The following ADAMTS19 variants were observed in gnomAD, a reference collection of about 807,000 sequenced individuals.
ADAMTS19 encodes A disintegrin and metalloproteinase with thrombospondin motifs 19.
ADAMTS19 carries 93 observed loss-of-function variants against 153.3 expected under a neutral mutation model. The ratio of observed to expected loss-of-function variants is 0.61; its 90% CI spans 0.51 to 0.72. The LOEUF is 0.72. Ranked by LOEUF, ADAMTS19 falls within the 30% of genes least tolerant of loss-of-function variation. The pLI is 0.00. For missense variants in ADAMTS19, 1,482 were observed against 1,552.1 expected (o/e 0.95, Z 0.76); for synonymous variants, 600 against 556.6 (o/e 1.08, Z -1.10).
At chr5:129,608,116 G>GTATATATATATATATAATATA (rs1554098176) in intron 8 of ADAMTS19, among the ~76,000 whole-genome samples, 3 of 47,956 alleles carry the variant, frequency 6.3e-5, no homozygotes, top group South Asian at 9.7e-4. Flanking sequence ...GTGTGTGTGT[G>GTATATATATATATATAATATA]TATATATATA....
intron 7 of ADAMTS19, among the ~76,000 whole-genome samples, chr5:129,562,268 T>A (rs775204341): frequency 1.8e-4 from 28 of 152,246 alleles, no homozygotes; most frequent in Non-Finnish European, 2.4e-4. Context: ...CAAAAATATT[T>A]TTTAAATGTA....
At chr5:129,536,546 G>A (rs1412365919) in intron 6 of ADAMTS19, among the ~76,000 whole-genome samples, 1 of 152,202 alleles carries the variant, frequency 6.6e-6, no homozygotes, top group East Asian at 1.9e-4. Context: ...ATTTGAACCA[G>A]CCTTCCCATT....
At position 129,473,997 on chromosome 5, in the gene ADAMTS19, A is replaced by C. The variant is rs530974091; in HGVS notation, c.747+12240A>C. On this transcript the variant is annotated intron_variant, in intron 2 of 22. Transcript: ENST00000274487. ...TTTAGTTCATTTACAGAATTGTGCA[A>C]CCATCACAACTTAGTTTTAGAACAG... Among the ~76,000 whole-genome samples, 636 of 152,276 alleles carry C rather than the reference A, an allele frequency of 4.2e-3. 14 individuals are homozygous for C. The highest frequency in any genetic ancestry group is 0.014 in the Middle Eastern group (4 of 294).
intron 16 of ADAMTS19, among the ~76,000 whole-genome samples, chr5:129,677,389 A>G (rs1390035568): frequency 6.6e-6 from 1 of 151,746 alleles, no homozygotes; most frequent in Non-Finnish European, 1.5e-5. Context: ...GGCAGGGGGA[A>G]TTGCTTGAAT....
chr5:129,536,409 A>C (rs1043824913), intron 6 of ADAMTS19, among the ~76,000 whole-genome samples: 9 of 152,212 alleles, frequency 5.9e-5, no homozygotes, highest in Admixed American at 1.3e-4. Context: ...GAGTTAGGAA[A>C]CAACAGGTGC....
chr5:129,495,425 A>G, intron 2 of ADAMTS19, among the ~76,000 whole-genome samples: 1 of 152,078 alleles, frequency 6.6e-6, no homozygotes, highest in East Asian at 1.9e-4. Context: ...CTCATATCAC[A>G]AATGGTTATA....
chr5:129,483,637 A>AG (rs1163239508), intron 2 of ADAMTS19, among the ~76,000 whole-genome samples: 2 of 152,214 alleles, frequency 1.3e-5, no homozygotes, highest in Non-Finnish European at 2.9e-5. Flanking sequence ...TGTCAGATAT[A>AG]CTACTACATG....
chr5:129,475,769 G>T (rs1187775930), intron 2 of ADAMTS19, among the ~76,000 whole-genome samples: 3 of 152,204 alleles, frequency 2.0e-5, no homozygotes, highest in Non-Finnish European at 4.4e-5. Flanking sequence ...GGAGGGAGAG[G>T]TTGCAGTAAG....
chr5:129,602,178 T>C (rs1967972), intron 8 of ADAMTS19, among the ~76,000 whole-genome samples: 87,936 of 151,538 alleles, frequency 0.58, 26,914 homozygotes, highest in Non-Finnish European at 0.68. Context: ...CCGCAACCTC[T>C]GCCTCCTGGG....
At chr5:129,483,940 T>C (rs1436525397) in intron 2 of ADAMTS19, among the ~76,000 whole-genome samples, 1 of 152,130 alleles carries the variant, frequency 6.6e-6, no homozygotes, top group Non-Finnish European at 1.5e-5. Context: ...TATTAAAAGT[T>C]TTATATATTC....
chr5:129,465,527 A>G (rs1749826542), intron 2 of ADAMTS19, among the ~76,000 whole-genome samples: 1 of 152,158 alleles, frequency 6.6e-6, no homozygotes, highest in Non-Finnish European at 1.5e-5. Flanking sequence ...AGCTTTTGAT[A>G]CAGAATCTGG....
intron 16 of ADAMTS19, among the ~76,000 whole-genome samples, chr5:129,670,553 G>C (rs999664942): frequency 2.0e-5 from 3 of 152,096 alleles, no homozygotes; most frequent in African/African-American, 7.2e-5. Context: ...GGCATCTGGG[G>C]ATAGCATCTG....
At chr5:129,606,716 C>T (rs777783625) in intron 8 of ADAMTS19, among the ~76,000 whole-genome samples, 6 of 152,156 alleles carry the variant, frequency 3.9e-5, no homozygotes, top group African/African-American at 9.7e-5. Context: ...ATGGACTTCT[C>T]TATTTTATGA....
Position 129,694,765 on chromosome 5 carries a change from A to T in ADAMTS19, c.2864A>T (p.Asn955Ile). The change falls in exon 19 of 23, where the codon AAT (asparagine) becomes ATT (isoleucine). Residue 955 changes from asparagine (N) to isoleucine (I), a missense_variant. This residue lies in a region of ADAMTS19 where 616 missense variants were observed against 724.4 expected (regional missense o/e 0.85). Transcript: ENST00000274487. ...TCCTGCACAAAAATCATGAGCAAAA[A>T]TATCAGCATTGTGGACAATGAGAAA... Reference protein sequence around the residue: ...TVSCTKIMSKNISIVDNEKCK... With the variant: ...TVSCTKIMSKIISIVDNEKCK... The T allele has an allele frequency of 4.4e-6, 7 of 1,607,344 alleles. No homozygotes were observed. The highest frequency in any genetic ancestry group is 5.9e-6 in the Non-Finnish European group (7 of 1,176,694).
chr5:129,730,144 C>T (rs924816599), intron 21 of ADAMTS19, among the ~76,000 whole-genome samples: 1 of 151,922 alleles, frequency 6.6e-6, no homozygotes, highest in Non-Finnish European at 1.5e-5. Flanking sequence ...ATGATTATAT[C>T]CATTGTATAG....
rs138666264 is a variant in ADAMTS19 at position 129,719,996 on chromosome 5, C to T, written c.3313-14936C>T. On this transcript the variant is annotated intron_variant, in intron 21 of 22. Coordinates refer to ENST00000274487, the MANE Select transcript of ADAMTS19 (RefSeq NM_133638.6). ...CAGAGATTGCAGTGAGCCCAGATTG[C>T]GCCACTCCTCCAGCCTGGGCAACAG... Among the ~76,000 whole-genome samples the T allele has an allele frequency of 5.9e-3, 899 of 151,976 alleles. 30 individuals carry two copies. In the East Asian group the frequency reaches 0.09, roughly 15 times the overall value.
At chr5:129,639,853 AAATATTTTTAG>A (rs1296863214) in intron 10 of ADAMTS19, among the ~76,000 whole-genome samples, 1 of 152,214 alleles carries the variant, frequency 6.6e-6, no homozygotes, top group Non-Finnish European at 1.5e-5. Flanking sequence ...TAGATGGGTG[AAATATTTTTAG>A]AATCAAAAAT....
chr5:129,519,591 G>C (rs1751725703), intron 3 of ADAMTS19, among the ~76,000 whole-genome samples: 1 of 151,402 alleles, frequency 6.6e-6, no homozygotes, highest in African/African-American at 2.4e-5. Flanking sequence ...GAGGCTCAGA[G>C]TGCTGTAGCC....
intron 10 of ADAMTS19, 60 bp downstream of exon 10, chr5:129,622,408 G>A (rs1751821151): frequency 1.3e-6 from 2 of 1,573,632 alleles, no homozygotes; most frequent in Admixed American, 1.8e-5. Flanking sequence ...TTGATTGGTA[G>A]GAGAAGGTAA....
Sources: gnomAD v4.1 joint callset for allele counts (sites outside exome capture counted in the v4.1 genomes callset) on GRCh38, gnomAD v4.1.1 for gene constraint, gnomAD v4.1.1 regional missense constraint, MANE v1.5 for transcripts, NCBI Gene and HGNC (gene_info 2026-07-23, HGNC 2026-07-21) for gene names.